Variants in USP28 observed in about 807,000 individuals in gnomAD.
USP28 encodes ubiquitin specific peptidase 28.
USP28 carries 113 observed loss-of-function variants against 145.0 expected under a neutral mutation model. The observed-to-expected ratio is 0.78, with a 90% CI of 0.67 to 0.91. The LOEUF is 0.91. Ranked by LOEUF, USP28 falls within the 40% of genes least tolerant of loss-of-function variation. USP28 has a pLI of 0.00. For missense variants in USP28, 1,201 were observed against 1,289.6 expected (o/e 0.93, Z 1.05); for synonymous variants, 447 against 450.9 (o/e 0.99, Z 0.11).
chr11:113,870,923 G>T (rs1318236514), intron 1 of USP28, among the ~76,000 whole-genome samples: 1 of 151,614 alleles, frequency 6.6e-6, no homozygotes, highest in Non-Finnish European at 1.5e-5. Flanking sequence ...GCTGGACTGG[G>T]CAATAGACAC....
chr11:113,846,982 G>A (rs2428010), intron 3 of USP28, among the ~76,000 whole-genome samples: 10,349 of 152,190 alleles, frequency 0.068, 444 homozygotes, highest in Non-Finnish European at 0.09. Flanking sequence ...GTGACAGAGC[G>A]AGCTTCCTTC....
intron 3 of USP28, among the ~76,000 whole-genome samples, chr11:113,845,905 A>C (rs1239810393): frequency 6.6e-6 from 1 of 152,224 alleles, no homozygotes; most frequent in Admixed American, 6.5e-5. Context: ...ATATCTGTAC[A>C]TCCAAGTTCA....
At chr11:113,872,356 G>A (rs926672234) in intron 1 of USP28, among the ~76,000 whole-genome samples, 5 of 152,018 alleles carry the variant, frequency 3.3e-5, no homozygotes, top group African/African-American at 1.2e-4. Context: ...GCGTGGTGGT[G>A]GGCACCTGTA....
chr11:113,828,883 T>G, intron 10 of USP28: 3 of 533,136 alleles, frequency 5.6e-6, no homozygotes, highest in South Asian at 4.6e-5. Context: ...TCCGAAAATA[T>G]GGAGGCAGTG....
intron 11 of USP28, among the ~76,000 whole-genome samples, chr11:113,826,754 T>C (rs1234538597): frequency 6.6e-6 from 1 of 151,810 alleles, no homozygotes; most frequent in Non-Finnish European, 1.5e-5. Flanking sequence ...ACCCCGTCTC[T>C]ACTAAAAATA....
At chr11:113,848,698 G>A (rs1251107888) in intron 3 of USP28, among the ~76,000 whole-genome samples, 1 of 152,170 alleles carries the variant, frequency 6.6e-6, no homozygotes, top group Non-Finnish European at 1.5e-5. Flanking sequence ...TATGGGGATG[G>A]ATACTGTATC....
At chr11:113,805,029 G>A (rs760723224) in exon 20 of USP28, 27 of 1,613,868 alleles carry the variant, frequency 1.7e-5, no homozygotes, top group Non-Finnish European at 2.1e-5. Flanking sequence ...AGAGCCTGGA[G>A]TATTCTTCAT....
intron 1 of USP28, among the ~76,000 whole-genome samples, chr11:113,871,658 C>T (rs1165896184): frequency 6.6e-6 from 1 of 152,038 alleles, no homozygotes; most frequent in Non-Finnish European, 1.5e-5. Context: ...GGAACCTTTT[C>T]CACTGAAATA....
intron 5 of USP28, among the ~76,000 whole-genome samples, chr11:113,839,118 C>G (rs1284610811): frequency 1.3e-5 from 2 of 152,176 alleles, no homozygotes; most frequent in Non-Finnish European, 2.9e-5. Flanking sequence ...TTCTGAAGTA[C>G]AGATTCATAT....
rs1042391966 is a variant in USP28 at position 113,807,943 on chromosome 11, C to T, written c.2304+355G>A. 9.1e-7 allele frequency: 1 copy of T among 1,095,502 alleles called. No individual in the cohort carries two copies. The highest frequency in any genetic ancestry group is 1.6e-5 in the African/African-American group (1 of 62,102). The allele number at this position is 1,095,502 out of a possible 1,614,324, so 67.9% of individuals were successfully genotyped here. Reference sequence around the variant, plus strand: ...ACAAACAACTATATCCTGCACTCATCTCTGTACCTCCTCATCATATCCATC... The same window carrying T: ...ACAAACAACTATATCCTGCACTCATTTCTGTACCTCCTCATCATATCCATC... On this transcript the variant is annotated intron_variant, in intron 18 of 24. Coordinates refer to ENST00000003302, the Ensembl canonical transcript of USP28.
At chr11:113,828,650 A>G (rs1160066397) in intron 10 of USP28, among the ~76,000 whole-genome samples, 3 of 152,220 alleles carry the variant, frequency 2.0e-5, no homozygotes, top group Non-Finnish European at 4.4e-5. Flanking sequence ...ACTAATTCTT[A>G]ACCTAACTGG....
intron 3 of USP28, among the ~76,000 whole-genome samples, chr11:113,846,268 T>A (rs995264188): frequency 6.6e-6 from 1 of 152,238 alleles, no homozygotes; most frequent in Non-Finnish European, 1.5e-5. Flanking sequence ...ATTTATTTAA[T>A]ATTTCTGAAC....
chr11:113,834,346 G>GA lies in USP28; in HGVS notation c.535-12dup. ...CAATTGAAAGAGAGACTGAAATAAA[G>GA]AAAGAAAGGGATTCATAGCCTTTCC... On this transcript the variant is annotated splice_polypyrimidine_tract_variant and intron_variant, in intron 5 of 24. Transcript: ENST00000003302. The GA allele has an allele frequency of 6.3e-7, 1 of 1,587,272 alleles. No individual in the cohort carries two copies. The highest frequency in any genetic ancestry group is 8.6e-7 in the Non-Finnish European group (1 of 1,161,046).
At chr11:113,838,649 T>A (rs1328809263) in intron 5 of USP28, among the ~76,000 whole-genome samples, 2 of 152,204 alleles carry the variant, frequency 1.3e-5, no homozygotes, top group East Asian at 1.9e-4. Flanking sequence ...TCCCGCCTCA[T>A]CAGAAAGGCC....
At chr11:113,853,649 T>C (rs1005389366) in intron 2 of USP28, among the ~76,000 whole-genome samples, 5 of 151,954 alleles carry the variant, frequency 3.3e-5, no homozygotes, top group Non-Finnish European at 7.4e-5. Flanking sequence ...CCAGGTCGGG[T>C]GGATCACTTG....
intron 3 of USP28, among the ~76,000 whole-genome samples, chr11:113,851,742 G>A (rs1047233385): frequency 6.7e-6 from 1 of 149,234 alleles, no homozygotes; most frequent in East Asian, 2.0e-4. Flanking sequence ...CGCAGATCGC[G>A]CTATTGCACT....
exon 2 of USP28, chr11:113,854,330 G>A (rs1444220315): frequency 6.2e-7 from 1 of 1,613,954 alleles, no homozygotes; most frequent in East Asian, 2.2e-5. Flanking sequence ...ACAGCATTTG[G>A]CAGCTCTATA....
intron 5 of USP28, among the ~76,000 whole-genome samples, chr11:113,834,584 T>G (rs978935910): frequency 2.0e-5 from 3 of 152,124 alleles, no homozygotes; most frequent in Non-Finnish European, 2.9e-5. Context: ...TTTTGTTTTG[T>G]TTTGGTTTGG....
chr11:113,847,656 T>C (rs534880478), intron 3 of USP28, among the ~76,000 whole-genome samples: 1 of 152,332 alleles, frequency 6.6e-6, no homozygotes, highest in African/African-American at 2.4e-5. Context: ...TTTAGTGTGA[T>C]AATGTTGCAG....
Sources: allele counts gnomAD v4.1 joint callset (sites outside exome capture counted in the v4.1 genomes callset), GRCh38; gene constraint gnomAD v4.1.1; transcripts MANE v1.5; gene names NCBI Gene and HGNC (gene_info 2026-07-23, HGNC 2026-07-21).